The following SLC36A4 variants were observed in gnomAD, a reference collection of about 807,000 sequenced individuals.
SLC36A4 encodes the protein neutral amino acid uniporter 4.
A neutral mutation model predicts 50.5 loss-of-function variants in SLC36A4; 49 were observed. The observed-to-expected ratio is 0.97, with a 90% CI of 0.77 to 1.23. The LOEUF is 1.23. SLC36A4 is among the 50% of genes most tolerant of loss of function. SLC36A4 has a pLI of 0.00. For synonymous variants in SLC36A4, 207 were observed against 206.5 expected, an observed-to-expected ratio of 1.00 and a Z score of -0.02; for missense variants, 611 against 608.4, an observed-to-expected ratio of 1.00 and a Z score of -0.05.
chr11:93,157,029 T>TA (rs1453225278), intron 9 of SLC36A4, among the ~76,000 whole-genome samples: 15 of 152,300 alleles, frequency 9.8e-5, no homozygotes, highest in Admixed American at 3.3e-4. Context: ...GTATATGGTG[T>TA]AAGGAAGGGG....
Position 93,144,240 on chromosome 11 carries a change from T to A in SLC36A4, c.*4297A>T, listed in dbSNP as rs1859808103. 6.6e-6 allele frequency: 1 copy of A among 152,062 alleles called. No individual in the cohort carries two copies. Among genetic ancestry groups the A allele is most frequent in the Non-Finnish European group, 1.5e-5 (1 of 67,998 alleles). 9.4% of individuals were successfully genotyped at this position (152,062 alleles called of 1,614,324 possible). On this transcript the variant is annotated 3_prime_UTR_variant, in exon 11 of 11. Transcript: ENST00000326402. ...CACTTTAAGACAGCGTTTTTCATATTCTGTTATAAAGAAAAATGTTAAAAG... is the reference window on the plus strand; with the variant it reads ...CACTTTAAGACAGCGTTTTTCATATACTGTTATAAAGAAAAATGTTAAAAG...
At position 93,173,300 on chromosome 11, in the gene SLC36A4, T is replaced by C. The variant is rs1402002476; in HGVS notation, c.541-5129A>G. On this transcript the variant is annotated intron_variant, in intron 6 of 10. Transcript: ENST00000326402. ...CCACTTTTTGATGGGGTTGTTTGTT[T>C]TTTTCTTGTAAATTTGTTTGAGTTC... Among the ~76,000 whole-genome samples the C allele has an allele frequency of 8.0e-5, 12 of 149,630 alleles. No individual in the cohort carries two copies. In the South Asian group the frequency reaches 2.5e-3, roughly 32 times the overall value.
intron 1 of SLC36A4, chr11:93,193,090 C>T (rs1862280191): frequency 3.8e-6 from 3 of 791,634 alleles, no homozygotes; most frequent in Non-Finnish European, 4.6e-6. Context: ...GCATATTAAG[C>T]TCTATGGGAT....
chr11:93,175,876 T>C (rs1861440909), intron 6 of SLC36A4, among the ~76,000 whole-genome samples: 1 of 97,060 alleles, frequency 1.0e-5, no homozygotes, highest in African/African-American at 4.0e-5. Context: ...AACTATGTGG[T>C]CAATTTTGGA....
intron 6 of SLC36A4, among the ~76,000 whole-genome samples, chr11:93,178,869 T>C (rs1351426474): frequency 6.6e-6 from 1 of 152,078 alleles, no homozygotes; most frequent in African/African-American, 2.4e-5. Context: ...GAGAAAGAAA[T>C]AAAGGGCATC....
At chr11:93,184,759 A>C (rs1283417985) in intron 2 of SLC36A4, among the ~76,000 whole-genome samples, 1 of 152,222 alleles carries the variant, frequency 6.6e-6, no homozygotes, top group African/African-American at 2.4e-5. Flanking sequence ...AATATCCGCC[A>C]AACAAGATAC....
chr11:93,162,742 T>A lies in SLC36A4; in HGVS notation c.1001A>T (p.Lys334Ile), dbSNP rs764773129. The change falls in exon 9 of 11, where the codon AAA becomes ATA. Residue 334 changes from lysine (K) to isoleucine (I), a missense_variant. By Grantham distance (102) the Lys-to-Ile change is moderately radical (BLOSUM62 -3). Coordinates refer to ENST00000326402, the MANE Select transcript of SLC36A4 (RefSeq NM_152313.4). Reference sequence around the variant, plus strand: ...GGGAAGATTTAAAGTTATGCTGCCTTTGATTTCATCATGGAAACACATATA... The same window carrying A: ...GGGAAGATTTAAAGTTATGCTGCCTATGATTTCATCATGGAAACACATATA... Reference protein sequence around the residue: ...LGYMCFHDEIKGSITLNLPQD... With the variant: ...LGYMCFHDEIIGSITLNLPQD... 6.2e-7 allele frequency: 1 copy of A among 1,612,536 alleles called. No homozygotes were observed. The highest frequency in any genetic ancestry group is 1.3e-5 in the African/African-American group (1 of 74,878).
intron 6 of SLC36A4, among the ~76,000 whole-genome samples, chr11:93,179,188 G>C (rs1190482876): frequency 6.7e-6 from 1 of 149,612 alleles, no homozygotes; most frequent in East Asian, 1.9e-4. Context: ...TACAGTACTA[G>C]GTCTGAGAAA....
chr11:93,180,218 G>T (rs1861675932), intron 6 of SLC36A4: 1 of 984,798 alleles, frequency 1.0e-6, no homozygotes, highest in Non-Finnish European at 1.2e-6. Context: ...TTGATGGAGG[G>T]ATTTTTTATT....
chr11:93,193,669 G>T (rs1222677176), intron 1 of SLC36A4, among the ~76,000 whole-genome samples: 3 of 152,000 alleles, frequency 2.0e-5, no homozygotes, highest in Non-Finnish European at 4.4e-5. Context: ...CTTAAATTAG[G>T]CAGTGCTTGT....
chr11:93,168,281 C>G, intron 6 of SLC36A4, 110 bp from the exon 7 acceptor site: 1 of 497,084 alleles, frequency 2.0e-6, no homozygotes, highest in South Asian at 5.0e-5. Context: ...ACAATAAATT[C>G]CTATGATATA....
At position 93,146,620 on chromosome 11, in the gene SLC36A4, T is replaced by C. The variant is rs1859850866; in HGVS notation, c.*1917A>G. ...ATCAGTTAACGATACAAGCAAAAAA[T>C]ACTTGAACTAAGTTAACATTTACAT... On this transcript the variant is annotated 3_prime_UTR_variant, in exon 11 of 11. Coordinates refer to ENST00000326402, the MANE Select transcript of SLC36A4 (RefSeq NM_152313.4). 6.6e-6 allele frequency: 1 copy of C among 152,078 alleles called. No homozygotes were observed. Among genetic ancestry groups the C allele is most frequent in the Non-Finnish European group, 1.5e-5 (1 of 67,962 alleles). 9.4% of individuals were successfully genotyped at this position (152,078 alleles called of 1,614,324 possible).
At chr11:93,171,447 G>A (rs1356655100) in intron 6 of SLC36A4, 10 of 152,012 alleles carry the variant, frequency 6.6e-5, no homozygotes, top group Non-Finnish European at 1.3e-4. Flanking sequence ...AGAGATCTAC[G>A]TTTCAACCTA....
At chr11:93,190,536 T>C (rs1261642713) in intron 1 of SLC36A4, among the ~76,000 whole-genome samples, 1 of 152,208 alleles carries the variant, frequency 6.6e-6, no homozygotes, top group African/African-American at 2.4e-5. Flanking sequence ...TATTGAATTA[T>C]TCCAGGAAAC....
chr11:93,162,220 A>T (rs1176866470), intron 9 of SLC36A4, among the ~76,000 whole-genome samples: 2 of 152,166 alleles, frequency 1.3e-5, no homozygotes, highest in Admixed American at 6.5e-5. Context: ...ATATTTTTTT[A>T]AAAATCCCAC....
intron 1 of SLC36A4, among the ~76,000 whole-genome samples, chr11:93,186,538 T>C (rs914492803): frequency 6.6e-6 from 1 of 152,210 alleles, no homozygotes; most frequent in African/African-American, 2.4e-5. Flanking sequence ...TTTTACTATC[T>C]TGTTTGACTG....
At chr11:93,156,518 C>T (rs1034171426) in intron 9 of SLC36A4, among the ~76,000 whole-genome samples, 1 of 151,626 alleles carries the variant, frequency 6.6e-6, no homozygotes, top group Non-Finnish European at 1.5e-5. Context: ...CTCCCCAGTT[C>T]AAGCGATTCT....
chr11:93,166,495 CCCAAAACAGGTTT>C, intron 7 of SLC36A4: 1 of 786,580 alleles, frequency 1.3e-6, no homozygotes, highest in Non-Finnish European at 1.5e-6. Flanking sequence ...TCTGCTGCTG[CCCAAAACAGGTTT>C]CCTTCTTGCT....
chr11:93,189,668 G>A (rs1186062498), intron 1 of SLC36A4, among the ~76,000 whole-genome samples: 2 of 152,012 alleles, frequency 1.3e-5, no homozygotes, highest in East Asian at 3.9e-4. Context: ...GTTCTGTGCT[G>A]TACTAAGCAT....
Sources: gnomAD v4.1 joint callset for allele counts (sites outside exome capture counted in the v4.1 genomes callset) on GRCh38, gnomAD v4.1.1 for gene constraint, MANE v1.5 for transcripts, NCBI Gene and HGNC (gene_info 2026-07-23, HGNC 2026-07-21) for gene names.